Variants in FAM20A observed in about 807,000 individuals in gnomAD.
The protein encoded by FAM20A is pseudokinase FAM20A.
FAM20A carries 42 observed loss-of-function variants against 52.0 expected under a neutral mutation model. The ratio of observed to expected loss-of-function variants is 0.81; its 90% CI spans 0.63 to 1.04. The LOEUF (loss-of-function observed/expected upper bound fraction) is 1.04, where lower values mean the gene tolerates loss of function less well. Among genes scored for constraint, FAM20A ranks in the 50% least tolerant of loss-of-function variants. The pLI is 0.00. For missense variants in FAM20A, 742 were observed against 712.7 expected (o/e 1.04, Z -0.47); for synonymous variants, 304 against 298.9 (o/e 1.02, Z -0.18).
intron 1 of FAM20A, among the ~76,000 whole-genome samples, chr17:68,587,382 CCATTA>C (rs1435332233): frequency 6.6e-6 from 1 of 152,188 alleles, no homozygotes; most frequent in Non-Finnish European, 1.5e-5. Context: ...CAGTTTCTCA[CCATTA>C]CATTAAAGTA....
At chr17:68,553,282 C>A (rs974915327) in intron 3 of FAM20A, among the ~76,000 whole-genome samples, 1 of 152,164 alleles carries the variant, frequency 6.6e-6, no homozygotes, top group African/African-American at 2.4e-5. Flanking sequence ...TTTCCGGAGG[C>A]CTCCTAGCCA....
At chr17:68,596,713 C>T (rs188934739) in intron 1 of FAM20A, among the ~76,000 whole-genome samples, 23 of 152,302 alleles carry the variant, frequency 1.5e-4, no homozygotes, top group Admixed American at 9.8e-4. Flanking sequence ...GCACTTTCCT[C>T]GTCACTGTTC....
chr17:68,545,215 T>C (rs568897271), intron 4 of FAM20A, among the ~76,000 whole-genome samples: 1 of 152,366 alleles, frequency 6.6e-6, no homozygotes, highest in South Asian at 2.1e-4. Context: ...TGTTATGGTA[T>C]GAAAATAGAT....
chr17:68,543,953 A>G (rs566949214), intron 4 of FAM20A, among the ~76,000 whole-genome samples: 2 of 152,308 alleles, frequency 1.3e-5, no homozygotes, highest in East Asian at 3.9e-4. Context: ...AGGCACCACC[A>G]ATACCAAGTT....
intron 8 of FAM20A, 45 bp from the exon 9 acceptor site, chr17:68,540,011 G>C: frequency 1.3e-6 from 2 of 1,542,004 alleles, no homozygotes; most frequent in Non-Finnish European, 9.0e-7. Context: ...AGGCCAGGGG[G>C]ACAGGTGCTC....
intron 7 of FAM20A, 81 bp downstream of exon 7, chr17:68,541,904 G>T: frequency 6.6e-7 from 1 of 1,504,374 alleles, no homozygotes; most frequent in Non-Finnish European, 9.0e-7. Context: ...AGATTCAAAA[G>T]CCAAGCTAGC....
At chr17:68,538,023 G>A (rs1232240324) in intron 10 of FAM20A, among the ~76,000 whole-genome samples, 1 of 152,142 alleles carries the variant, frequency 6.6e-6, no homozygotes, top group Non-Finnish European at 1.5e-5. Flanking sequence ...CTCTGACAAC[G>A]CTAAGGGAAT....
Position 68,575,484 on chromosome 17 carries a change from T to A in FAM20A, c.405-19741A>T, listed in dbSNP as rs1292192814. ...ATTATATATAATATATTTTATATATTATATATTATAGATATTAGATATTAT... is the reference window on the plus strand; with the variant it reads ...ATTATATATAATATATTTTATATATAATATATTATAGATATTAGATATTAT... On this transcript the variant is annotated intron_variant, in intron 1 of 10. Coordinates refer to ENST00000592554, the MANE Select transcript of FAM20A (RefSeq NM_017565.4). 8.5e-4 allele frequency among the ~76,000 whole-genome samples: 99 copies of A among 117,026 alleles called. 1 individual carries two copies. The highest frequency in any genetic ancestry group is 3.2e-3 in the African/African-American group (97 of 30,068). The allele number at this position is 117,026 out of a possible 152,430, so 76.8% of individuals were successfully genotyped here.
rs1484585654 is a variant in FAM20A, at chr17:68,535,322, CT to C, written c.*2154del. On this transcript the variant is annotated 3_prime_UTR_variant, in exon 11 of 11. Coordinates refer to ENST00000592554, the MANE Select transcript of FAM20A (RefSeq NM_017565.4). ...CCACATATCATGGTGAAATTCAAGCCTATTGCTTTCTGTTTGTAGAGTGCAG... is the reference window on the plus strand; with the variant it reads ...CCACATATCATGGTGAAATTCAAGCCATTGCTTTCTGTTTGTAGAGTGCAG... The C allele has an allele frequency of 2.2e-6, 1 of 453,862 alleles. No homozygotes were observed. 28.1% of individuals were successfully genotyped at this position (453,862 alleles called of 1,614,324 possible). A position where few individuals can be genotyped will look rare whatever the true frequency, so the allele number is the denominator to read the frequency against.
intron 7 of FAM20A, 23 bp downstream of exon 7, chr17:68,541,962 G>T: frequency 6.2e-7 from 1 of 1,608,724 alleles, no homozygotes; most frequent in Non-Finnish European, 8.5e-7. Context: ...GGACTGGGCT[G>T]TGTGGCCTGG....
chr17:68,544,395 G>A (rs1250984040), intron 4 of FAM20A, among the ~76,000 whole-genome samples: 4 of 152,188 alleles, frequency 2.6e-5, no homozygotes, highest in Non-Finnish European at 5.9e-5. Context: ...GTACATTCAT[G>A]AAAGTGCTTT....
intron 4 of FAM20A, 113 bp from the exon 5 acceptor site, chr17:68,543,834 G>T: frequency 1.1e-6 from 1 of 907,788 alleles, no homozygotes; most frequent in Non-Finnish European, 1.8e-6. Context: ...TGCTTTTCAT[G>T]TACACACAGG....
chr17:68,549,494 C>CAAA (rs34993560), intron 4 of FAM20A, among the ~76,000 whole-genome samples: 122 of 126,958 alleles, frequency 9.6e-4, no homozygotes, highest in Middle Eastern at 4.5e-3. Flanking sequence ...AACTCCATCT[C>CAAA]AAAAAAAAAA....
Position 68,539,886 on chromosome 17 carries a change from C to T in FAM20A, c.1300G>A (p.Gly434Arg), listed in dbSNP as rs748714211. Residue 434 changes from glycine (G) to arginine (R), a missense_variant and splice_region_variant, in exon 9 of 11, where the codon GGG becomes AGG. By Grantham distance (125) the Gly-to-Arg change is moderately radical. Coordinates refer to ENST00000592554, the MANE Select transcript of FAM20A (RefSeq NM_017565.4). ...GFLIHLDNAR[G>R]FGRHSHDEIS... ...TTGAACACACGTGGGGAAGCTCACCCTCTGGCGTTGTCAAGGTGAATAAGG... is the reference window on the plus strand; with the variant it reads ...TTGAACACACGTGGGGAAGCTCACCTTCTGGCGTTGTCAAGGTGAATAAGG... The T allele has an allele frequency of 6.2e-7, 1 of 1,614,086 alleles. No individual in the cohort carries two copies. The highest frequency in any genetic ancestry group is 2.2e-5 in the East Asian group (1 of 44,870).
chr17:68,543,626 T>C lies in FAM20A; in HGVS notation c.812+3A>G. On this transcript the variant is annotated splice_donor_region_variant and intron_variant, in intron 5 of 10. Transcript: ENST00000592554. ...ATGCCATCTCCATGGGGCCAGACCC[T>C]ACCTGTCCAGATGGAAAGCTGCGAT... is the stretch of plus-strand genomic sequence containing the variant. 6.2e-7 allele frequency: 1 copy of C among 1,613,944 alleles called. No individual in the cohort carries two copies. The highest frequency in any genetic ancestry group is 1.1e-5 in the South Asian group (1 of 91,078).
Position 68,535,734 on chromosome 17 carries a change from G to A in FAM20A, c.*1743C>T. ...GTCATGTTACCCAGGCTGGTCTCGA[G>A]CTCCTGAGACCAAGCGATCTGCCTG... On this transcript the variant is annotated 3_prime_UTR_variant, in exon 11 of 11. Coordinates refer to ENST00000592554, the MANE Select transcript of FAM20A (RefSeq NM_017565.4). 2.2e-6 allele frequency: 1 copy of A among 451,052 alleles called. No homozygotes were observed. Among genetic ancestry groups the A allele is most frequent in the Non-Finnish European group, 4.4e-6 (1 of 225,824 alleles). 27.9% of individuals were successfully genotyped at this position (451,052 alleles called of 1,614,324 possible).
intron 1 of FAM20A, among the ~76,000 whole-genome samples, chr17:68,586,244 ATATAGG>A (rs1372951572): frequency 2.6e-5 from 4 of 152,216 alleles, no homozygotes. Flanking sequence ...TTGGATAAAG[ATATAGG>A]TATAGATAAT....
At chr17:68,574,654 G>A (rs1425996668) in intron 1 of FAM20A, among the ~76,000 whole-genome samples, 1 of 152,154 alleles carries the variant, frequency 6.6e-6, no homozygotes, top group Non-Finnish European at 1.5e-5. Flanking sequence ...CAAAGGGGAA[G>A]GAATACTGTG....
chr17:68,570,481 A>G (rs1203328714), intron 1 of FAM20A, among the ~76,000 whole-genome samples: 1 of 152,248 alleles, frequency 6.6e-6, no homozygotes, highest in Admixed American at 6.5e-5. Context: ...CTGGAAAGAC[A>G]GCTAATGGGA....
Sources: gnomAD v4.1 joint callset for allele counts (sites outside exome capture counted in the v4.1 genomes callset) on GRCh38, gnomAD v4.1.1 for gene constraint, MANE v1.5 for transcripts, NCBI Gene and HGNC (gene_info 2026-07-23, HGNC 2026-07-21) for gene names.